The following SQOR variants were observed in gnomAD, a reference collection of about 807,000 sequenced individuals.
The protein encoded by SQOR is sulfide quinone oxidoreductase, also known as sulfide:quinone oxidoreductase, mitochondrial.
In SQOR, 39 loss-of-function variants were observed where a neutral mutation model predicts 48.6. The ratio of observed to expected loss-of-function variants is 0.80; its 90% CI spans 0.62 to 1.05. SQOR has a LOEUF of 1.05. SQOR is among the 50% of genes least tolerant of loss of function. The probability of loss-of-function intolerance (pLI) is 0.00; values close to 1 mark genes in which losing one functional copy is unlikely to be tolerated. For synonymous variants in SQOR, 220 were observed against 206.2 expected, an observed-to-expected ratio of 1.07 and a Z score of -0.57; for missense variants, 561 against 559.9, an observed-to-expected ratio of 1.00 and a Z score of -0.02.
Position 45,691,237 on chromosome 15 carries a change from A to G in SQOR, c.*207A>G. On this transcript the variant is annotated 3_prime_UTR_variant, in exon 10 of 10. Transcript: ENST00000260324. ...TGGGCTTGATTCTTTGGGAATAATA[A>G]AATGAAATAATACTTTTATTTTCTG... is the stretch of plus-strand genomic sequence containing the variant. 1.9e-6 allele frequency: 1 copy of G among 522,750 alleles called. No homozygotes were observed. Among genetic ancestry groups the G allele is most frequent in the African/African-American group, 1.9e-5 (1 of 51,796 alleles). 32.4% of individuals were successfully genotyped at this position (522,750 alleles called of 1,614,324 possible).
At chr15:45,632,596 G>A (rs1894917412), upstream of SQOR, among the ~76,000 whole-genome samples, 1 of 152,082 alleles carries the variant, frequency 6.6e-6, no homozygotes, top group South Asian at 2.1e-4. Context: ...CACATCTCCT[G>A]TGACTCCTTC....
chr15:45,667,768 C>T lies in SQOR; in HGVS notation c.406-2160C>T, dbSNP rs1035813299. 2.0e-5 allele frequency among the ~76,000 whole-genome samples: 3 copies of T among 151,994 alleles called. No homozygotes were observed. The East Asian group carries it at 5.8e-4, about 29-fold the overall frequency. ...ACAAACCAAAAGCTCCTCTTGTTTC[C>T]AGTGGTCATATGTTTCACCTGTAGA... On this transcript the variant is annotated intron_variant, in intron 3 of 9. Transcript: ENST00000260324.
intron 6 of SQOR, among the ~76,000 whole-genome samples, chr15:45,681,931 C>A (rs1020230667): frequency 3.3e-5 from 5 of 152,112 alleles, no homozygotes; most frequent in Non-Finnish European, 5.9e-5. Flanking sequence ...TTTTACCACC[C>A]CTTTTCATCT....
chr15:45,652,755 T>G (rs1044320211), intron 1 of SQOR, among the ~76,000 whole-genome samples: 2 of 148,158 alleles, frequency 1.3e-5, no homozygotes, highest in Non-Finnish European at 3.0e-5. Context: ...GTGGATCACT[T>G]GAGGTCAGGA....
chr15:45,673,704 A>G lies in SQOR; in HGVS notation c.557A>G (p.Lys186Arg), dbSNP rs754706953. Residue 186 changes from lysine (K) to arginine (R), a missense_variant, in exon 5 of 10, where the codon AAA (lysine) becomes AGA (arginine). Lys to Arg is a conservative substitution (Grantham distance 26, BLOSUM62 2). Transcript: ENST00000260324. ...EKTWKALQDFKEGNAIFTFPN... is the reference protein window; with the variant it reads ...EKTWKALQDFREGNAIFTFPN... ...ACATGGAAAGCTCTGCAGGACTTCAAAGAGGGCAATGCCATCTTCACCTTC... is the reference window on the plus strand; with the variant it reads ...ACATGGAAAGCTCTGCAGGACTTCAGAGAGGGCAATGCCATCTTCACCTTC... 6.8e-6 allele frequency: 11 copies of G among 1,614,120 alleles called. No individual in the cohort carries two copies. The South Asian group carries it at 1.1e-4, about 16-fold the overall frequency.
At chr15:45,676,407 G>C (rs1890038230) in intron 6 of SQOR, 97 bp downstream of exon 6, 1 of 1,247,028 alleles carries the variant, frequency 8.0e-7, no homozygotes, top group Non-Finnish European at 1.1e-6. Flanking sequence ...CCATCATTGT[G>C]TGCTGGGGAA....
intron 1 of SQOR, among the ~76,000 whole-genome samples, chr15:45,643,565 C>A (rs1895143866): frequency 6.6e-6 from 1 of 152,184 alleles, no homozygotes; most frequent in Non-Finnish European, 1.5e-5. Context: ...CACAAAGATA[C>A]ACTTACATAT....
chr15:45,665,921 T>C (rs1330657648), intron 3 of SQOR, among the ~76,000 whole-genome samples: 13 of 152,118 alleles, frequency 8.5e-5, no homozygotes, highest in Admixed American at 8.5e-4. Flanking sequence ...ACCTTATTGG[T>C]GAAAGACTGA....
chr15:45,631,967 A>T (rs1313433992), upstream of SQOR: 1 of 152,214 alleles, frequency 6.6e-6, no homozygotes, highest in African/African-American at 2.4e-5. Flanking sequence ...CTGGACACAG[A>T]AGGCAAGGAC....
intron 5 of SQOR, 53 bp from the exon 6 acceptor site, chr15:45,676,048 A>G: frequency 6.5e-7 from 1 of 1,529,944 alleles, no homozygotes; most frequent in Non-Finnish European, 8.8e-7. Context: ...TTAAAAAAAA[A>G]AAAGGCAGCT....
intron 7 of SQOR, among the ~76,000 whole-genome samples, chr15:45,684,892 C>T (rs1290199871): frequency 6.6e-6 from 1 of 152,182 alleles, no homozygotes; most frequent in Non-Finnish European, 1.5e-5. Context: ...CTTTCACAGT[C>T]CCCCAACCAT....
At chr15:45,657,940 A>G (rs674638) in intron 1 of SQOR, among the ~76,000 whole-genome samples, 101,298 of 151,888 alleles carry the variant, frequency 0.67, 33,886 homozygotes, top group Admixed American at 0.76. Context: ...CATGAGCCGG[A>G]GCCACTCAAG....
chr15:45,659,183 G>T, intron 2 of SQOR, 26 bp downstream of exon 2: 1 of 1,482,764 alleles, frequency 6.7e-7, no homozygotes, highest in Non-Finnish European at 9.1e-7. Flanking sequence ...TGAGGGCCTG[G>T]GTGTGTGTGT....
chr15:45,682,359 T>C, intron 6 of SQOR, 119 bp from the exon 7 acceptor site: 2 of 1,030,200 alleles, frequency 1.9e-6, no homozygotes, highest in Non-Finnish European at 1.4e-6. Flanking sequence ...CAAGTGCTGA[T>C]TGTATAATGC....
rs148564162 is a variant in SQOR at position 45,665,704 on chromosome 15, C to T, written c.405+3579C>T. On this transcript the variant is annotated intron_variant, in intron 3 of 9. Coordinates refer to ENST00000260324, the MANE Select transcript of SQOR (RefSeq NM_021199.4). ...GTTCAAGTGATTCTCCTGCCTCAGC[C>T]TCCCGAGTAGCTGGGATTACAGGCA... 2.0e-4 allele frequency among the ~76,000 whole-genome samples: 30 copies of T among 152,152 alleles called. No homozygotes were observed. The East Asian group carries it at 5.4e-3, about 27-fold the overall frequency.
intron 6 of SQOR, 92 bp from the exon 7 acceptor site, chr15:45,682,386 A>G (rs1890138675): frequency 1.5e-6 from 2 of 1,349,196 alleles, no homozygotes; most frequent in Non-Finnish European, 2.0e-6. Flanking sequence ...CAGCCATAGC[A>G]CAGTGTATAG....
intron 1 of SQOR, among the ~76,000 whole-genome samples, chr15:45,652,348 T>C (rs1285477555): frequency 6.6e-6 from 1 of 151,904 alleles, no homozygotes; most frequent in African/African-American, 2.4e-5. Flanking sequence ...ATTGATTGAT[T>C]GATTGAGACA....
At chr15:45,643,109 G>A (rs1462004961) in intron 1 of SQOR, among the ~76,000 whole-genome samples, 2 of 152,200 alleles carry the variant, frequency 1.3e-5, no homozygotes, top group African/African-American at 4.8e-5. Context: ...CTAGCTAAAA[G>A]AGTGGGAGGG....
At chr15:45,676,468 CA>C (rs1890039243) in intron 6 of SQOR, among the ~76,000 whole-genome samples, 158 bp downstream of exon 6, 1 of 152,090 alleles carries the variant, frequency 6.6e-6, no homozygotes, top group African/African-American at 2.4e-5. Context: ...GAAGGTAGGC[CA>C]AAATGGTTGG....
Sources: gnomAD v4.1 joint callset for allele counts (sites outside exome capture counted in the v4.1 genomes callset) on GRCh38, gnomAD v4.1.1 for gene constraint, MANE v1.5 for transcripts, NCBI Gene and HGNC (gene_info 2026-07-23, HGNC 2026-07-21) for gene names.